The following RPS6KA3 variants were observed in gnomAD, a reference collection of about 807,000 sequenced individuals.
RPS6KA3 encodes the protein ribosomal protein S6 kinase alpha-3.
A neutral mutation model predicts 67.2 loss-of-function variants in RPS6KA3; 4 were observed. That is an observed-to-expected ratio of 0.06 (90% CI 0.03 to 0.14). The LOEUF is 0.14. Ranked by LOEUF, RPS6KA3 falls within the 10% of genes least tolerant of loss-of-function variation. The pLI is 1.00. For synonymous variants in RPS6KA3, 182 were observed against 183.7 expected, an observed-to-expected ratio of 0.99 and a Z score of 0.07; for missense variants, 204 against 559.0, an observed-to-expected ratio of 0.36 and a Z score of 6.40.
At chrX:20,223,606 A>G (rs2069038127) in intron 2 of RPS6KA3, among the ~76,000 whole-genome samples, 1 of 112,258 alleles carries the variant, frequency 8.9e-6, no homozygotes, top group Admixed American at 9.4e-5. Context: ...ACCATATGCA[A>G]AAGTAGACAG....
At chrX:20,264,263 A>G (rs759852861) in intron 1 of RPS6KA3, among the ~76,000 whole-genome samples, 1 of 112,545 alleles carries the variant, frequency 8.9e-6, no homozygotes, top group African/African-American at 3.2e-5. Context: ...GAAAACAGCA[A>G]ATTGTGGAAT....
intron 2 of RPS6KA3, among the ~76,000 whole-genome samples, chrX:20,230,065 G>A (rs1234030988): frequency 8.9e-6 from 1 of 112,710 alleles, no homozygotes; most frequent in Non-Finnish European, 1.9e-5. Flanking sequence ...GAAGTAAACT[G>A]CCTCAAATGG....
At chrX:20,238,046 A>G (rs772730807) in intron 1 of RPS6KA3, among the ~76,000 whole-genome samples, 1 of 111,699 alleles carries the variant, frequency 9.0e-6, no homozygotes, top group African/African-American at 3.2e-5. Flanking sequence ...AAGTCACAGG[A>G]AGTAAATCTA....
intron 4 of RPS6KA3, among the ~76,000 whole-genome samples, chrX:20,202,852 C>T (rs750583018): frequency 3.8e-4 from 43 of 112,154 alleles, no homozygotes; most frequent in African/African-American, 1.3e-3. Context: ...TATAAAGTCA[C>T]AAATGCAGTG....
At chrX:20,155,775 A>AT (rs1236754870) in intron 21 of RPS6KA3, among the ~76,000 whole-genome samples, 2 of 111,392 alleles carry the variant, frequency 1.8e-5, no homozygotes, top group Non-Finnish European at 3.8e-5. Flanking sequence ...ACTATTCAAC[A>AT]TTTTTTCCCT....
intron 1 of RPS6KA3, among the ~76,000 whole-genome samples, chrX:20,239,765 A>T (rs938006093): frequency 5.4e-5 from 6 of 111,465 alleles, no homozygotes; most frequent in African/African-American, 1.6e-4. Context: ...ATCACCTAAG[A>T]TCATCTTCCA....
In RPS6KA3 at chrX:20,161,748, C is replaced by A; in HGVS notation, c.1855G>T (p.Ala619Ser). 9.9e-7 allele frequency: 1 copy of A among 1,008,023 alleles called. No homozygotes were observed. The highest frequency in any genetic ancestry group is 1.3e-6 in the Non-Finnish European group (1 of 750,457). The allele number at this position is 1,008,023 out of a possible 1,213,427, so 83.1% of individuals were successfully genotyped here. The change falls in exon 20 of 22, where the codon GCA becomes TCA. Residue 619 changes from alanine to serine, a missense_variant. Around this residue, in one of 4 missense-constraint regions of RPS6KA3, gnomAD observed 73 missense variants for 241.1 expected, o/e 0.30. Transcript: ENST00000379565. ...TCTGGTGTATCATCAGGACCATTTG[C>A]AAATGGAGTGTAACTAATTTATAAT... is the stretch of plus-strand genomic sequence containing the variant. ...YTMLTGYTPF[A>S]NGPDDTPEEI...
At position 20,184,860 on chromosome X, in the gene RPS6KA3, GCA is replaced by G. The variant is rs779075836; in HGVS notation, c.845+1434_845+1435del. On this transcript the variant is annotated intron_variant, in intron 10 of 21. Transcript: ENST00000379565. ...TTAAATAAAATTTTCTGGTTTTTTT[GCA>G]CAGAGGTCTTACACAACTTCTGCTA... Among the ~76,000 whole-genome samples the G allele has an allele frequency of 1.8e-3, 199 of 111,575 alleles. 1 individual carries two copies. Among genetic ancestry groups the G allele is most frequent in the African/African-American group, 6.3e-3 (195 of 30,787 alleles).
chrX:20,245,846 G>A (rs185416396), intron 1 of RPS6KA3, among the ~76,000 whole-genome samples: 27 of 111,261 alleles, frequency 2.4e-4, no homozygotes, highest in African/African-American at 5.6e-4. Flanking sequence ...GAGGCCAGGC[G>A]CGGTGGCTCA....
At chrX:20,236,025 C>T (rs887919493) in intron 1 of RPS6KA3, among the ~76,000 whole-genome samples, 3 of 111,207 alleles carry the variant, frequency 2.7e-5, no homozygotes, top group African/African-American at 9.8e-5. Context: ...CATAGAAAGA[C>T]AGTCACATGT....
intron 2 of RPS6KA3, among the ~76,000 whole-genome samples, chrX:20,217,005 A>G (rs2068872145): frequency 1.8e-5 from 2 of 112,363 alleles, no homozygotes; most frequent in African/African-American, 6.5e-5. Context: ...ATTATTAGAT[A>G]AATATCTGTT....
chrX:20,212,608 G>A (rs1439924934), intron 2 of RPS6KA3, among the ~76,000 whole-genome samples: 3 of 110,601 alleles, frequency 2.7e-5, no homozygotes, highest in African/African-American at 9.9e-5. Context: ...GGTGGTTGGT[G>A]CGAGCCTGTA....
intron 4 of RPS6KA3, among the ~76,000 whole-genome samples, chrX:20,199,921 T>G (rs1003479241): frequency 2.7e-5 from 3 of 111,984 alleles, no homozygotes; most frequent in Non-Finnish European, 5.6e-5. Flanking sequence ...TCAGCCAAAT[T>G]ATAAACTAAG....
chrX:20,226,806 A>C lies in RPS6KA3; in HGVS notation c.126+7952T>G, dbSNP rs112259243. On this transcript the variant is annotated intron_variant, in intron 2 of 21. Coordinates refer to ENST00000379565, the MANE Select transcript of RPS6KA3 (RefSeq NM_004586.3). Reference sequence around the variant, plus strand: ...TTATGTGATAAATAATAACCTTATAATACTTTCTCTTGATTCATCAATTTC... The same window carrying C: ...TTATGTGATAAATAATAACCTTATACTACTTTCTCTTGATTCATCAATTTC... 8.8e-3 allele frequency among the ~76,000 whole-genome samples: 978 copies of C among 111,542 alleles called. 11 individuals carry two copies. The highest frequency in any genetic ancestry group is 0.025 in the African/African-American group (756 of 30,684).
chrX:20,216,823 C>G (rs1423139360), intron 2 of RPS6KA3, among the ~76,000 whole-genome samples: 3 of 111,191 alleles, frequency 2.7e-5, no homozygotes, highest in Admixed American at 9.6e-5. Flanking sequence ...ATTCAGGCGG[C>G]TCTCCTGCTT....
chrX:20,249,035 C>T (rs190041407), intron 1 of RPS6KA3, among the ~76,000 whole-genome samples: 149 of 112,098 alleles, frequency 1.3e-3, no homozygotes, highest in African/African-American at 4.5e-3. Context: ...TTCTCCATTG[C>T]GATAATTCTG....
chrX:20,197,677 T>C (rs1282499425), intron 4 of RPS6KA3, among the ~76,000 whole-genome samples: 1 of 112,192 alleles, frequency 8.9e-6, no homozygotes, highest in African/African-American at 3.2e-5. Flanking sequence ...CTTCATTTTG[T>C]CTGAGGTAGG....
At chrX:20,252,846 C>T (rs780229313) in intron 1 of RPS6KA3, among the ~76,000 whole-genome samples, 1 of 111,330 alleles carries the variant, frequency 9.0e-6, no homozygotes, top group South Asian at 3.8e-4. Flanking sequence ...TCCACTGGGC[C>T]CCACTGACAT....
At chrX:20,230,671 T>C (rs917203490) in intron 2 of RPS6KA3, among the ~76,000 whole-genome samples, 1 of 111,210 alleles carries the variant, frequency 9.0e-6, no homozygotes, top group East Asian at 2.8e-4. Context: ...GGGTTTTTAT[T>C]TAAAGGAACC....
Sources: gnomAD v4.1 joint callset for allele counts (sites outside exome capture counted in the v4.1 genomes callset) on GRCh38, gnomAD v4.1.1 for gene constraint, gnomAD v4.1.1 regional missense constraint, MANE v1.5 for transcripts, NCBI Gene and HGNC (gene_info 2026-07-23, HGNC 2026-07-21) for gene names.